The following PDE4B variants were observed in gnomAD, a reference collection of about 807,000 sequenced individuals.
PDE4B encodes the protein phosphodiesterase 4B, also known as 3',5'-cyclic-AMP phosphodiesterase 4B.
A neutral mutation model predicts 82.2 loss-of-function variants in PDE4B; 20 were observed. The ratio of observed to expected loss-of-function variants is 0.24; its 90% confidence interval spans 0.17 to 0.35. The LOEUF is 0.35. Ranked by LOEUF, PDE4B falls within the 10% of genes least tolerant of loss-of-function variation. The probability of loss-of-function intolerance (pLI) is 1.00; values close to 1 mark genes in which losing one functional copy is unlikely to be tolerated. For missense variants in PDE4B, 655 were observed against 907.2 expected, an observed-to-expected ratio of 0.72 and a Z score of 3.57; for synonymous variants, 320 against 318.9, an observed-to-expected ratio of 1.00 and a Z score of -0.04.
chr1:66,161,687 T>A (rs1221331987), intron 3 of PDE4B, among the ~76,000 whole-genome samples: 1 of 152,134 alleles, frequency 6.6e-6, no homozygotes, highest in Non-Finnish European at 1.5e-5. Context: ...CATTTAAAGA[T>A]GAAGACACTG....
chr1:66,252,324 A>G (rs1570560365), intron 4 of PDE4B, among the ~76,000 whole-genome samples: 1 of 152,216 alleles, frequency 6.6e-6, no homozygotes, highest in Admixed American at 6.5e-5. Context: ...AGAAGCTCTC[A>G]TCAGCTGGAA....
In PDE4B at chr1:66,085,032, G is replaced by A. The variant is rs72920255; in HGVS notation, c.282-162428G>A. Among the ~76,000 whole-genome samples, 1,278 of 152,236 alleles carry A rather than the reference G, an allele frequency of 8.4e-3. 17 individuals are homozygous for A. The highest frequency in any genetic ancestry group is 0.029 in the African/African-American group (1,194 of 41,550). ...TCAGTTAGGATGCACCAAGTATCAC[G>A]ATTAGTAAGGATGGGGCTGGAAATA... On this transcript the variant is annotated intron_variant, in intron 3 of 16. Transcript: ENST00000341517.
intron 7 of PDE4B, among the ~76,000 whole-genome samples, chr1:66,268,249 G>GA (rs1295163519): frequency 3.9e-5 from 6 of 152,060 alleles, no homozygotes; most frequent in Non-Finnish European, 8.8e-5. Flanking sequence ...ATATAAATGA[G>GA]AAAAAATGCA....
rs1569711179 is a variant in PDE4B, at chr1:65,927,201, A to T, written c.281+8366A>T. On this transcript the variant is annotated intron_variant, in intron 3 of 16. Transcript: ENST00000341517. ...CAGAGGAGAAATAAATGAAGATAAG[A>T]TAACATTGTTTAGTTTTTTCAAGCT... Among the ~76,000 whole-genome samples, 3 of 151,950 alleles carry T rather than the reference A, an allele frequency of 2.0e-5. No homozygotes were observed. In the East Asian group the frequency reaches 5.8e-4, roughly 29 times the overall value.
intron 2 of PDE4B, among the ~76,000 whole-genome samples, chr1:65,915,873 G>A (rs1418544334): frequency 1.3e-5 from 2 of 152,104 alleles, no homozygotes; most frequent in Admixed American, 1.3e-4. Flanking sequence ...ATATTACCAG[G>A]GAATTTTGGA....
rs1006389739 is a variant in PDE4B at position 65,873,316 on chromosome 1, C to T, written c.-70-39929C>T. ...CGGGAAGTAAGATGAGTAGGGGCAG[C>T]AATGAAACGTGACGGGAAAGAAAGG... On this transcript the variant is annotated intron_variant, in intron 1 of 16. Coordinates refer to ENST00000341517, the MANE Select transcript of PDE4B (RefSeq NM_002600.4). Among the ~76,000 whole-genome samples, 5 of 152,212 alleles carry T rather than the reference C, an allele frequency of 3.3e-5. No homozygotes were observed. The South Asian group carries it at 8.3e-4, about 25-fold the overall frequency.
At chr1:65,860,206 A>G (rs1336061506) in intron 1 of PDE4B, among the ~76,000 whole-genome samples, 3 of 151,802 alleles carry the variant, frequency 2.0e-5, no homozygotes, top group Non-Finnish European at 4.4e-5. Flanking sequence ...CTCACCGCTC[A>G]CCCTCTGACA....
chr1:65,897,617 G>A (rs770041554), intron 1 of PDE4B, among the ~76,000 whole-genome samples: 1 of 152,044 alleles, frequency 6.6e-6, no homozygotes, highest in African/African-American at 2.4e-5. Context: ...AATCTGCTTA[G>A]GATAATGGCC....
chr1:66,304,828 A>C (rs17128781), intron 7 of PDE4B, among the ~76,000 whole-genome samples: 3 of 152,242 alleles, frequency 2.0e-5, no homozygotes, highest in South Asian at 2.1e-4. Context: ...ACTAAAATCC[A>C]CTTCCTCCAA....
chr1:66,178,920 C>T (rs968401387), intron 3 of PDE4B, among the ~76,000 whole-genome samples: 10 of 152,052 alleles, frequency 6.6e-5, no homozygotes, highest in Admixed American at 4.6e-4. Context: ...GGCGCGATCT[C>T]GGCTCACTGC....
chr1:65,832,098 T>A (rs1646088298), intron 1 of PDE4B, among the ~76,000 whole-genome samples: 1 of 152,188 alleles, frequency 6.6e-6, no homozygotes, highest in African/African-American at 2.4e-5. Flanking sequence ...GTGAATTTGA[T>A]GTTGCTTATG....
intron 3 of PDE4B, among the ~76,000 whole-genome samples, chr1:66,148,371 T>A (rs1646317089): frequency 6.6e-6 from 1 of 152,256 alleles, no homozygotes; most frequent in South Asian, 2.1e-4. Flanking sequence ...ATCTGCTCAC[T>A]TGTTATCTAA....
intron 3 of PDE4B, among the ~76,000 whole-genome samples, chr1:65,966,322 A>G (rs1020252739): frequency 3.9e-5 from 6 of 152,072 alleles, no homozygotes; most frequent in Non-Finnish European, 5.9e-5. Flanking sequence ...AATAAAATAC[A>G]TAAGAATACA....
chr1:66,093,439 T>TA (rs1227358440), intron 3 of PDE4B, among the ~76,000 whole-genome samples: 1 of 152,058 alleles, frequency 6.6e-6, no homozygotes, highest in Non-Finnish European at 1.5e-5. Context: ...AGGCTGGGAT[T>TA]AAAATCTAGG....
chr1:65,818,130 C>T (rs1273116515), intron 1 of PDE4B, among the ~76,000 whole-genome samples: 1 of 152,136 alleles, frequency 6.6e-6, no homozygotes, highest in Non-Finnish European at 1.5e-5. Flanking sequence ...CTCAACAATG[C>T]CTTCCAAGGG....
Position 66,259,490 on chromosome 1 carries a change from C to T in PDE4B, c.584+1627C>T, listed in dbSNP as rs559209330. Reference sequence around the variant, plus strand: ...TTCCTAAAATGTCTGTTTCCACTTGCCAGTGTCTGCTTGGCCAAATCCTGA... The same window carrying T: ...TTCCTAAAATGTCTGTTTCCACTTGTCAGTGTCTGCTTGGCCAAATCCTGA... On this transcript the variant is annotated intron_variant, in intron 6 of 16. Transcript: ENST00000341517. Among the ~76,000 whole-genome samples, 15 of 152,260 alleles carry T rather than the reference C, an allele frequency of 9.9e-5. No individual in the cohort carries two copies. In the South Asian group the frequency reaches 2.7e-3, roughly 27 times the overall value.
chr1:65,822,119 G>C (rs1360986906), intron 1 of PDE4B, among the ~76,000 whole-genome samples: 3 of 151,972 alleles, frequency 2.0e-5, no homozygotes, highest in Non-Finnish European at 4.4e-5. Flanking sequence ...GTTAAATTTT[G>C]TTTGATTTTT....
intron 1 of PDE4B, among the ~76,000 whole-genome samples, chr1:65,905,779 A>G (rs1030650026): frequency 2.0e-5 from 3 of 152,074 alleles, no homozygotes; most frequent in Admixed American, 2.0e-4. Context: ...TAATGAACCC[A>G]TGATCTGTTG....
At chr1:65,836,749 G>A (rs183953398) in intron 1 of PDE4B, among the ~76,000 whole-genome samples, 2 of 152,082 alleles carry the variant, frequency 1.3e-5, no homozygotes, top group Non-Finnish European at 2.9e-5. Context: ...TCATATAAAA[G>A]ATTATTGTTC....
Sources: gnomAD v4.1 joint callset for allele counts (sites outside exome capture counted in the v4.1 genomes callset) on GRCh38, gnomAD v4.1.1 for gene constraint, MANE v1.5 for transcripts, NCBI Gene and HGNC (gene_info 2026-07-23, HGNC 2026-07-21) for gene names.